Variants in CMIP observed in about 807,000 individuals in gnomAD.
CMIP encodes the protein c-Maf inducing protein.
In CMIP, 13 loss-of-function variants were observed where a neutral mutation model predicts 97.3. The ratio of observed to expected loss-of-function variants is 0.13; its 90% CI spans 0.09 to 0.21. The LOEUF is 0.21. Among genes scored for constraint, CMIP ranks in the 10% least tolerant of loss-of-function variants. The pLI is 1.00. For missense variants in CMIP, 847 were observed against 1,024.9 expected (o/e 0.83, Z 2.37); for synonymous variants, 538 against 436.3 (o/e 1.23, Z -2.91).
chr16:81,636,500 G>T (rs963808362), intron 3 of CMIP, among the ~76,000 whole-genome samples: 1 of 150,502 alleles, frequency 6.6e-6, no homozygotes. Flanking sequence ...AGAATCGCTT[G>T]AACCCAGGGG....
At chr16:81,567,194 G>A (rs781000421) in intron 1 of CMIP, among the ~76,000 whole-genome samples, 32 of 152,280 alleles carry the variant, frequency 2.1e-4, no homozygotes, top group Non-Finnish European at 4.3e-4. Flanking sequence ...TTCCCACATC[G>A]AAGTCCGAGG....
rs137972433 is a variant in CMIP at position 81,456,807 on chromosome 16, G to A, written c.300+11266G>A. Among the ~76,000 whole-genome samples the A allele has an allele frequency of 3.9e-3, 589 of 152,332 alleles. 3 individuals are homozygous for A. Among genetic ancestry groups the A allele is most frequent in the Non-Finnish European group, 5.6e-3 (384 of 68,036 alleles). On this transcript the variant is annotated intron_variant, in intron 1 of 20. Transcript: ENST00000537098. ...TGGCCAGGCTGGCTGTGAGCTGAGA[G>A]GAGGGCCTTGTGGAAGGGAGAGCGT...
At chr16:81,507,932 T>C (rs1465721473) in intron 1 of CMIP, among the ~76,000 whole-genome samples, 1 of 152,200 alleles carries the variant, frequency 6.6e-6, no homozygotes, top group Non-Finnish European at 1.5e-5. Context: ...GCTGGACTGA[T>C]CCGGTGATTT....
At chr16:81,492,802 G>A (rs545491308) in intron 1 of CMIP, among the ~76,000 whole-genome samples, 10 of 152,112 alleles carry the variant, frequency 6.6e-5, no homozygotes, top group Non-Finnish European at 1.3e-4. Flanking sequence ...GAGGGGAGGC[G>A]GAAGTTGTCG....
intron 1 of CMIP, among the ~76,000 whole-genome samples, chr16:81,516,558 A>G (rs1358589317): frequency 6.6e-6 from 1 of 152,148 alleles, no homozygotes; most frequent in Non-Finnish European, 1.5e-5. Context: ...TTCAGGACTC[A>G]GCTCATCGCC....
intron 1 of CMIP, among the ~76,000 whole-genome samples, chr16:81,546,306 C>T (rs773534086): frequency 6.6e-6 from 1 of 152,150 alleles, no homozygotes; most frequent in Non-Finnish European, 1.5e-5. Flanking sequence ...AGAAGGATGC[C>T]TTGTTCGCCG....
chr16:81,704,083 C>A lies in CMIP; in HGVS notation c.2089C>A (p.Gln697Lys), dbSNP rs774445023. The A allele has an allele frequency of 6.2e-7, 1 of 1,603,464 alleles. No homozygotes were observed. Among genetic ancestry groups the A allele is most frequent in the Non-Finnish European group, 8.5e-7 (1 of 1,176,128 alleles). The stretch of plus-strand genomic sequence containing the variant: ...CAAGCAGCTGAACCTGTGGTCCACT[C>A]AGGTACGTCCTCCCGCCCTGCTGCA... ...SLKQLNLWST[Q>K]FGDAGLRLLS... The change falls in exon 18 of 21, where the codon CAG (glutamine) becomes AAG (lysine). Residue 697 changes from glutamine (Q) to lysine (K), a missense_variant and splice_region_variant. Coordinates refer to ENST00000537098, the MANE Select transcript of CMIP (RefSeq NM_198390.3).
chr16:81,702,735 CGGCA>C, intron 17 of CMIP, 66 bp downstream of exon 17: 1 of 1,438,252 alleles, frequency 7.0e-7, no homozygotes, highest in Non-Finnish European at 9.7e-7. Flanking sequence ...TGTTGGGGAA[CGGCA>C]GGTGGTGTCT....
chr16:81,655,800 T>A lies in CMIP; in HGVS notation c.640-1975T>A, dbSNP rs1597204641. On this transcript the variant is annotated intron_variant, in intron 4 of 20. Coordinates refer to ENST00000537098, the MANE Select transcript of CMIP (RefSeq NM_198390.3). The surrounding 1 kb of genome is among the most constrained non-coding windows in gnomAD (Gnocchi z 4.9). Reference sequence around the variant, plus strand: ...GTTCATATCCTCACTGCAGCCCCTATTACCCTGCGCCTGCTAGTCACTGCA... The same window carrying A: ...GTTCATATCCTCACTGCAGCCCCTAATACCCTGCGCCTGCTAGTCACTGCA... Among the ~76,000 whole-genome samples the A allele has an allele frequency of 6.6e-6, 1 of 152,124 alleles. No individual in the cohort carries two copies. Among genetic ancestry groups the A allele is most frequent in the African/African-American group, 2.4e-5 (1 of 41,430 alleles).
At position 81,483,261 on chromosome 16, in the gene CMIP, C is replaced by T. The variant is rs146863215; in HGVS notation, c.300+37720C>T. ...TGCATGTGCAAAGGCCATGGGGCAG[C>T]GGCTAAAGGAGGTAAAGGAGCCATC... is the stretch of plus-strand genomic sequence containing the variant. On this transcript the variant is annotated intron_variant, in intron 1 of 20. Transcript: ENST00000537098. Among the ~76,000 whole-genome samples the T allele has an allele frequency of 5.2e-3, 798 of 152,030 alleles. 4 individuals are homozygous for T. Among genetic ancestry groups the T allele is most frequent in the African/African-American group, 0.014 (601 of 41,460 alleles).
intron 1 of CMIP, among the ~76,000 whole-genome samples, chr16:81,577,358 CACCATCATA>C: frequency 6.6e-6 from 1 of 150,480 alleles, no homozygotes; most frequent in Admixed American, 6.6e-5. Context: ...TCACCATCAC[CACCATCATA>C]ACCATCACCT....
chr16:81,678,990 A>G (rs1904586351), intron 10 of CMIP, among the ~76,000 whole-genome samples: 2 of 152,232 alleles, frequency 1.3e-5, no homozygotes, highest in Admixed American at 1.3e-4. Flanking sequence ...ATGTGTACAT[A>G]TGTCTACATG....
intron 1 of CMIP, among the ~76,000 whole-genome samples, chr16:81,595,698 C>T (rs965310327): frequency 6.6e-6 from 1 of 152,140 alleles, no homozygotes; most frequent in Non-Finnish European, 1.5e-5. Context: ...CCGCATAATA[C>T]TTTCAAGGTT....
chr16:81,710,292 C>T lies in CMIP; in HGVS notation c.*493C>T, dbSNP rs2151115607. 1 of 164,772 alleles carries T rather than the reference C, an allele frequency of 6.1e-6. No homozygotes were observed. The highest frequency in any genetic ancestry group is 1.6e-4 in the South Asian group (1 of 6,270). 10.2% of individuals were successfully genotyped at this position (164,772 alleles called of 1,614,324 possible). On this transcript the variant is annotated 3_prime_UTR_variant, in exon 21 of 21. Coordinates refer to ENST00000537098, the MANE Select transcript of CMIP (RefSeq NM_198390.3). Reference sequence around the variant, plus strand: ...CACTGCACCCGTCCTGTGTCCTCACCATTGCTATGCAAAGTGATTCTTGTT... The same window carrying T: ...CACTGCACCCGTCCTGTGTCCTCACTATTGCTATGCAAAGTGATTCTTGTT...
At chr16:81,555,003 A>T (rs2090733782) in intron 1 of CMIP, among the ~76,000 whole-genome samples, 1 of 152,110 alleles carries the variant, frequency 6.6e-6, no homozygotes, top group Admixed American at 6.5e-5. Flanking sequence ...GTCTGCCTCG[A>T]CACACCCCTA....
intron 1 of CMIP, among the ~76,000 whole-genome samples, chr16:81,507,684 G>A (rs1028984503): frequency 4.6e-5 from 7 of 152,074 alleles, no homozygotes; most frequent in Admixed American, 4.6e-4. Flanking sequence ...CTGTTAAAGT[G>A]TGCACAGATG....
intron 1 of CMIP, among the ~76,000 whole-genome samples, chr16:81,487,812 G>C (rs1313519885): frequency 6.6e-6 from 1 of 152,234 alleles, no homozygotes; most frequent in South Asian, 2.1e-4. Context: ...TGTGGTGCCA[G>C]AGAGCAGCTT....
intron 1 of CMIP, among the ~76,000 whole-genome samples, chr16:81,526,491 A>G (rs921858753): frequency 7.2e-5 from 11 of 152,262 alleles, no homozygotes; most frequent in Non-Finnish European, 1.5e-4. Flanking sequence ...CCAAAGTTAC[A>G]GTAGTTATCA....
At chr16:81,662,960 T>C (rs1187565126) in intron 6 of CMIP, among the ~76,000 whole-genome samples, 3 of 152,168 alleles carry the variant, frequency 2.0e-5, no homozygotes, top group Non-Finnish European at 4.4e-5. Context: ...ATCTTAGCTT[T>C]ACAGAAGTCT....
Sources: gnomAD v4.1 joint callset for allele counts (sites outside exome capture counted in the v4.1 genomes callset) on GRCh38, gnomAD v4.1.1 for gene constraint, Gnocchi (gnomAD v3.1) non-coding constraint, MANE v1.5 for transcripts, NCBI Gene and HGNC (gene_info 2026-07-23, HGNC 2026-07-21) for gene names.